The following PTPRT variants were observed in gnomAD, a reference collection of about 807,000 sequenced individuals.
PTPRT encodes the protein protein tyrosine phosphatase receptor type T, also known as receptor-type tyrosine-protein phosphatase T.
In PTPRT, 56 loss-of-function variants were observed where a neutral mutation model predicts 176.8. The ratio of observed to expected loss-of-function variants is 0.32; its 90% CI spans 0.26 to 0.40. PTPRT has a LOEUF of 0.40. PTPRT is among the 10% of genes least tolerant of loss of function. The probability of loss-of-function intolerance (pLI) is 1.00; values close to 1 mark genes in which losing one functional copy is unlikely to be tolerated. For missense variants in PTPRT, 1,540 were observed against 1,908.2 expected (o/e 0.81, Z 3.60); for synonymous variants, 783 against 739.0 (o/e 1.06, Z -0.96).
intron 6 of PTPRT, among the ~76,000 whole-genome samples, chr20:42,716,077 C>T (rs190329866): frequency 6.6e-5 from 10 of 152,252 alleles, no homozygotes; most frequent in Admixed American, 2.0e-4. Flanking sequence ...ATCTTCCACT[C>T]TTGGTGGCTG....
chr20:42,089,587 G>A (rs1172168482), intron 27 of PTPRT, among the ~76,000 whole-genome samples: 1 of 152,112 alleles, frequency 6.6e-6, no homozygotes, highest in Non-Finnish European at 1.5e-5. Context: ...CGATTTTCTG[G>A]GTCACTCTCT....
At chr20:42,389,819 C>T (rs1189779845) in intron 9 of PTPRT, among the ~76,000 whole-genome samples, 2 of 148,166 alleles carry the variant, frequency 1.3e-5, no homozygotes, top group Non-Finnish European at 3.0e-5. Flanking sequence ...TACACCACTG[C>T]ATTCCAGCCT....
intron 12 of PTPRT, among the ~76,000 whole-genome samples, chr20:42,286,576 A>G (rs1456257487): frequency 6.6e-6 from 1 of 151,958 alleles, no homozygotes; most frequent in Non-Finnish European, 1.5e-5. Context: ...CTATACAAAA[A>G]TCAACTCAAA....
intron 7 of PTPRT, among the ~76,000 whole-genome samples, chr20:42,477,889 T>C (rs2071318407): frequency 6.6e-6 from 1 of 152,174 alleles, no homozygotes; most frequent in South Asian, 2.1e-4. Flanking sequence ...CCCTGTACTT[T>C]AGAGAGCCAC....
At chr20:42,314,324 C>T (rs1265884215) in intron 12 of PTPRT, among the ~76,000 whole-genome samples, 2 of 151,840 alleles carry the variant, frequency 1.3e-5, no homozygotes, top group Non-Finnish European at 2.9e-5. Context: ...GTCAGGAGAC[C>T]GAGACCATCC....
chr20:42,118,708 T>C (rs1409849998), intron 20 of PTPRT, among the ~76,000 whole-genome samples: 1 of 152,066 alleles, frequency 6.6e-6, no homozygotes, highest in Non-Finnish European at 1.5e-5. Context: ...GAAAGGCTCA[T>C]TCCAAGCTCT....
intron 22 of PTPRT, among the ~76,000 whole-genome samples, chr20:42,112,897 T>C (rs1987078993): frequency 6.6e-6 from 1 of 152,156 alleles, no homozygotes; most frequent in South Asian, 2.1e-4. Context: ...GCTTCAAGAA[T>C]ACTTGGACTT....
chr20:42,452,895 C>T (rs2145866554), intron 8 of PTPRT, among the ~76,000 whole-genome samples: 1 of 152,302 alleles, frequency 6.6e-6, no homozygotes, highest in South Asian at 2.1e-4. Context: ...TCTATAATTC[C>T]TTACAATTTT....
chr20:42,141,838 G>A (rs1439896900), intron 18 of PTPRT, 77 bp downstream of exon 18: 2 of 1,311,540 alleles, frequency 1.5e-6, no homozygotes, highest in East Asian at 2.3e-5. Context: ...ACAAATTCCA[G>A]GTAAATAATA....
intron 7 of PTPRT, among the ~76,000 whole-genome samples, chr20:42,547,445 A>G (rs1036931224): frequency 5.3e-5 from 8 of 152,218 alleles, no homozygotes; most frequent in African/African-American, 1.7e-4. Context: ...ACAGAAGGGA[A>G]TAGATGCATT....
In PTPRT at chr20:42,295,362, G is replaced by A. The variant is rs988660628; in HGVS notation, c.2140-12837C>T. On this transcript the variant is annotated intron_variant, in intron 12 of 30. Transcript: ENST00000373187. ...ATATTAACCAAGGACTTCATAGCTAGCCATGTGTTTTTCATATAGCAAAGC... is the reference window on the plus strand; with the variant it reads ...ATATTAACCAAGGACTTCATAGCTAACCATGTGTTTTTCATATAGCAAAGC... Among the ~76,000 whole-genome samples the A allele has an allele frequency of 5.9e-5, 9 of 152,120 alleles. No homozygotes were observed. The East Asian group carries it at 1.3e-3, about 23-fold the overall frequency.
chr20:42,599,455 C>T (rs1180143960), intron 7 of PTPRT, among the ~76,000 whole-genome samples: 1 of 152,154 alleles, frequency 6.6e-6, no homozygotes, highest in Non-Finnish European at 1.5e-5. Context: ...GAAATGCCCC[C>T]TGCCTTAGGA....
chr20:43,082,510 C>T (rs933094053), intron 1 of PTPRT, among the ~76,000 whole-genome samples: 2 of 152,126 alleles, frequency 1.3e-5, no homozygotes, highest in African/African-American at 4.8e-5. Context: ...TGTGATCTTT[C>T]ACACACACTC....
intron 29 of PTPRT, among the ~76,000 whole-genome samples, chr20:42,082,813 T>C (rs1983469603): frequency 6.6e-6 from 1 of 152,182 alleles, no homozygotes; most frequent in Admixed American, 6.5e-5. Flanking sequence ...CCTGGGCGTG[T>C]TGCCAAGAGC....
At chr20:42,570,750 T>G (rs1412425773) in intron 7 of PTPRT, among the ~76,000 whole-genome samples, 1 of 152,192 alleles carries the variant, frequency 6.6e-6, no homozygotes, top group Non-Finnish European at 1.5e-5. Flanking sequence ...CTCTTCCTCC[T>G]GACTCTATTT....
At chr20:43,072,695 CT>C (rs1384186498) in intron 1 of PTPRT, among the ~76,000 whole-genome samples, 1 of 152,218 alleles carries the variant, frequency 6.6e-6, no homozygotes, top group Non-Finnish European at 1.5e-5. Context: ...TTCTTCCTTT[CT>C]CCAAAGCTTC....
intron 6 of PTPRT, among the ~76,000 whole-genome samples, chr20:42,688,893 C>T (rs1476630782): frequency 6.6e-6 from 1 of 152,188 alleles, no homozygotes; most frequent in Non-Finnish European, 1.5e-5. Flanking sequence ...AAGCAAATAA[C>T]TGTCTCTACC....
intron 1 of PTPRT, among the ~76,000 whole-genome samples, chr20:43,153,296 G>A (rs1457834993): frequency 2.0e-5 from 3 of 152,190 alleles, no homozygotes; most frequent in Non-Finnish European, 2.9e-5. Context: ...AAGTCAGAAA[G>A]GATACACACA....
At chr20:42,122,893 T>A (rs1028112217) in intron 19 of PTPRT, among the ~76,000 whole-genome samples, 1 of 152,242 alleles carries the variant, frequency 6.6e-6, no homozygotes, top group Admixed American at 6.5e-5. Flanking sequence ...TACAACCCCA[T>A]GCACCCTGTG....
Sources: gnomAD v4.1 joint callset for allele counts (sites outside exome capture counted in the v4.1 genomes callset) on GRCh38, gnomAD v4.1.1 for gene constraint, MANE v1.5 for transcripts, NCBI Gene and HGNC (gene_info 2026-07-23, HGNC 2026-07-21) for gene names.